MACROD2: variants seen among roughly 807,000 people sequenced by gnomAD.
MACROD2 encodes ADP-ribose glycohydrolase MACROD2.
A neutral mutation model predicts 70.4 loss-of-function variants in MACROD2; 36 were observed. That is an observed-to-expected ratio of 0.51 (90% CI 0.39 to 0.68). The LOEUF (loss-of-function observed/expected upper bound fraction) is 0.68, where lower values mean the gene tolerates loss of function less well. MACROD2 is among the 30% of genes least tolerant of loss of function. The probability of loss-of-function intolerance (pLI) is 0.00; values close to 1 mark genes in which losing one functional copy is unlikely to be tolerated. For synonymous variants in MACROD2, 172 were observed against 178.8 expected, an observed-to-expected ratio of 0.96 and a Z score of 0.30; for missense variants, 496 against 538.4, an observed-to-expected ratio of 0.92 and a Z score of 0.78.
chr20:14,404,596 T>TG (rs2083673313), intron 3 of MACROD2, among the ~76,000 whole-genome samples: 1 of 79,998 alleles, frequency 1.3e-5, no homozygotes, highest in Non-Finnish European at 3.0e-5. Flanking sequence ...GACCCCCATC[T>TG]CCAAAAAAAA....
intron 3 of MACROD2, among the ~76,000 whole-genome samples, chr20:14,233,271 A>G (rs2122212042): frequency 6.6e-6 from 1 of 152,316 alleles, no homozygotes; most frequent in East Asian, 1.9e-4. Flanking sequence ...GCTTGGGAAA[A>G]TGGTACCGAT....
intron 5 of MACROD2, among the ~76,000 whole-genome samples, chr20:14,780,771 TAGTC>T (rs1391977135): frequency 6.6e-6 from 1 of 152,066 alleles, no homozygotes; most frequent in East Asian, 1.9e-4. Context: ...AGAGTGGTAT[TAGTC>T]AGTCAAAATC....
At chr20:14,742,518 T>G (rs2071745275) in intron 5 of MACROD2, among the ~76,000 whole-genome samples, 1 of 151,942 alleles carries the variant, frequency 6.6e-6, no homozygotes, top group Non-Finnish European at 1.5e-5. Flanking sequence ...TAATATAAAC[T>G]ATCATTATGT....
chr20:14,530,071 G>A (rs1337944773), intron 4 of MACROD2, among the ~76,000 whole-genome samples: 1 of 152,174 alleles, frequency 6.6e-6, no homozygotes, highest in Non-Finnish European at 1.5e-5. Flanking sequence ...GGGGCACTCT[G>A]AGAAATGGTA....
rs190275534 is a variant in MACROD2 at position 14,983,010 on chromosome 20, G to T, written c.419-246930G>T. Among the ~76,000 whole-genome samples, 99 of 152,328 alleles carry T rather than the reference G, an allele frequency of 6.5e-4. 1 individual carries two copies. The highest frequency in any genetic ancestry group is 9.1e-4 in the Admixed American group (14 of 15,306). On this transcript the variant is annotated intron_variant, in intron 5 of 17. Coordinates refer to ENST00000684519, the MANE Select transcript of MACROD2 (RefSeq NM_001351661.2). ...GGCTGTACCCTGCAAAGCCACAGGG[G>T]TGGAGCTACCCCAGACTATGGGAAC...
chr20:16,046,763 C>T (rs1158086946), intron 17 of MACROD2, among the ~76,000 whole-genome samples: 2 of 137,376 alleles, frequency 1.5e-5, no homozygotes, highest in Admixed American at 7.8e-5. Flanking sequence ...TTACTGCAAA[C>T]TTCACCTCCC....
chr20:15,298,012 A>G (rs1189639926), intron 6 of MACROD2, among the ~76,000 whole-genome samples: 1 of 152,194 alleles, frequency 6.6e-6, no homozygotes, highest in Non-Finnish European at 1.5e-5. Flanking sequence ...GATGGCCAGA[A>G]GTTCTGATCA....
chr20:15,409,222 A>G (rs1324539058), intron 6 of MACROD2, among the ~76,000 whole-genome samples: 1 of 152,150 alleles, frequency 6.6e-6, no homozygotes, highest in African/African-American at 2.4e-5. Context: ...CTCCCTCATC[A>G]TTTTTATGGT....
intron 8 of MACROD2, among the ~76,000 whole-genome samples, chr20:15,803,224 C>A (rs2063741452): frequency 2.0e-5 from 3 of 152,084 alleles, no homozygotes; most frequent in Middle Eastern, 6.8e-3. Context: ...AAAATACAGG[C>A]CAATATCCCT....
chr20:14,969,360 T>TCACA, intron 5 of MACROD2, among the ~76,000 whole-genome samples: 1 of 91,034 alleles, frequency 1.1e-5, no homozygotes, highest in Non-Finnish European at 2.4e-5. Flanking sequence ...ATAAATGCTT[T>TCACA]TACACACACA....
At chr20:15,833,767 T>C (rs1473443758) in intron 8 of MACROD2, among the ~76,000 whole-genome samples, 1 of 152,196 alleles carries the variant, frequency 6.6e-6, no homozygotes, top group Non-Finnish European at 1.5e-5. Flanking sequence ...CTAAGGTACA[T>C]TTTTAATATA....
intron 6 of MACROD2, among the ~76,000 whole-genome samples, chr20:15,332,236 A>G (rs2078000626): frequency 6.6e-6 from 1 of 151,646 alleles, no homozygotes; most frequent in South Asian, 2.1e-4. Context: ...TGCTAAAGTA[A>G]TGTATTATTT....
intron 1 of MACROD2, among the ~76,000 whole-genome samples, chr20:13,998,522 T>G (rs1408978637): frequency 6.6e-6 from 1 of 152,190 alleles, no homozygotes; most frequent in Non-Finnish European, 1.5e-5. Context: ...TCTGAGCTTT[T>G]TTAGCACTGC....
chr20:15,740,372 G>T (rs750718882), intron 8 of MACROD2, among the ~76,000 whole-genome samples: 2 of 152,028 alleles, frequency 1.3e-5, no homozygotes, highest in East Asian at 1.9e-4. Context: ...TCTATAGCAG[G>T]GTCTTAGTCA....
At chr20:14,744,482 T>C (rs1450078284) in intron 5 of MACROD2, among the ~76,000 whole-genome samples, 1 of 151,992 alleles carries the variant, frequency 6.6e-6, no homozygotes, top group South Asian at 2.1e-4. Flanking sequence ...ACATACACTG[T>C]CTTAGCTTTT....
At chr20:14,879,965 C>CT (rs2073592620) in intron 5 of MACROD2, among the ~76,000 whole-genome samples, 1 of 152,148 alleles carries the variant, frequency 6.6e-6, no homozygotes, top group South Asian at 2.1e-4. Flanking sequence ...AGGAATTAAA[C>CT]TTGTGCAAAT....
At chr20:14,593,565 T>G (rs1364151978) in intron 4 of MACROD2, among the ~76,000 whole-genome samples, 1 of 152,202 alleles carries the variant, frequency 6.6e-6, no homozygotes, top group Non-Finnish European at 1.5e-5. Flanking sequence ...ATGTTTTATT[T>G]CCTTTTGGCT....
intron 3 of MACROD2, among the ~76,000 whole-genome samples, chr20:14,230,068 T>C (rs1445070910): frequency 2.0e-5 from 3 of 152,238 alleles, no homozygotes; most frequent in African/African-American, 4.8e-5. Context: ...ATATTGCTAA[T>C]GATCATCTGA....
chr20:15,964,806 C>T (rs1018394752), intron 12 of MACROD2, among the ~76,000 whole-genome samples: 6 of 152,156 alleles, frequency 3.9e-5, no homozygotes, highest in Non-Finnish European at 7.4e-5. Flanking sequence ...AAGTAACTTT[C>T]GTGGAAACCA....
Sources: gnomAD v4.1 joint callset for allele counts (sites outside exome capture counted in the v4.1 genomes callset) on GRCh38, gnomAD v4.1.1 for gene constraint, MANE v1.5 for transcripts, NCBI Gene and HGNC (gene_info 2026-07-23, HGNC 2026-07-21) for gene names.